Variants in HAL observed in about 807,000 individuals in gnomAD.
HAL encodes histidase.
Under a neutral mutation model 81.1 loss-of-function variants are expected in HAL, and 85 were observed. The ratio of observed to expected loss-of-function variants is 1.05; its 90% CI spans 0.88 to 1.25. The LOEUF (loss-of-function observed/expected upper bound fraction) is 1.25. Ranked by LOEUF, HAL falls within the 50% of genes most tolerant of loss-of-function variation. The pLI is 0.00. For missense variants in HAL, 798 were observed against 836.6 expected (o/e 0.95, Z 0.57); for synonymous variants, 301 against 309.2 (o/e 0.97, Z 0.28).
rs1406648025 is a variant in HAL at position 95,991,453 on chromosome 12, G to T, written c.716-921C>A. ...ACCAAAGCATTAACAAGGTTTCCCA[G>T]GGGAAGAGAAGTCATAGGCAACTGA... On this transcript the variant is annotated intron_variant, in intron 9 of 20. Transcript: ENST00000261208. Among the ~76,000 whole-genome samples, 4 of 152,174 alleles carry T rather than the reference G, an allele frequency of 2.6e-5. No individual in the cohort carries two copies. In the East Asian group the frequency reaches 7.7e-4, roughly 29 times the overall value.
chr12:95,995,524 C>T (rs905493133), intron 2 of HAL, 140 bp downstream of exon 2: 14 of 1,079,678 alleles, frequency 1.3e-5, no homozygotes, highest in Middle Eastern at 2.0e-4. Flanking sequence ...TCCCCAGAGG[C>T]GTGGCATGTG....
intron 20 of HAL, among the ~76,000 whole-genome samples, chr12:95,975,150 C>T (rs1302825320): frequency 1.3e-5 from 2 of 152,234 alleles, no homozygotes; most frequent in Non-Finnish European, 2.9e-5. Context: ...GACCCTGCTA[C>T]TCAAAGCGTG....
At chr12:95,989,525 CA>C (rs1428070817) in intron 10 of HAL, 1 of 152,288 alleles carries the variant, frequency 6.6e-6, no homozygotes, top group African/African-American at 2.4e-5. Flanking sequence ...CCAGTTTCTG[CA>C]ATGCAGAACC....
chr12:95,995,394 C>T (rs969398520), intron 2 of HAL, among the ~76,000 whole-genome samples: 1 of 152,206 alleles, frequency 6.6e-6, no homozygotes, highest in African/African-American at 2.4e-5. Context: ...GAGTACCAGT[C>T]TAGTCTTTGT....
chr12:95,994,939 A>G lies in HAL; in HGVS notation c.302T>C (p.Val101Ala). ...PDFIPSQPEG[V>A]YLYSKYREPE... The stretch of plus-strand genomic sequence containing the variant: ...AGCCTGTGGGAAAGGATACAGATAA[A>G]CTCCTTCTGGTTGAGATGGAATGAA... Residue 101 changes from valine to alanine, a missense_variant, in exon 3 of 21, where the codon GTT becomes GCT. Coordinates refer to ENST00000261208, the MANE Select transcript of HAL (RefSeq NM_002108.4). The G allele has an allele frequency of 6.2e-7, 1 of 1,612,610 alleles. No homozygotes were observed. Among genetic ancestry groups the G allele is most frequent in the East Asian group, 2.2e-5 (1 of 44,858 alleles).
intron 18 of HAL, among the ~76,000 whole-genome samples, chr12:95,977,111 A>G (rs561487973): frequency 6.6e-6 from 1 of 152,224 alleles, no homozygotes; most frequent in African/African-American, 2.4e-5. Flanking sequence ...CCCCAGTTCT[A>G]TTAAATAATT....
Position 95,990,381 on chromosome 12 carries a change from T to C in HAL, c.855+12A>G, listed in dbSNP as rs1274035252. ...GGCAATTGCTGCAGATAGAAGCTGC[T>C]ACGAGTCTTACGTATTTAGCATCAG... On this transcript the variant is annotated intron_variant, in intron 10 of 20. Coordinates refer to ENST00000261208, the MANE Select transcript of HAL (RefSeq NM_002108.4). 2.0e-5 allele frequency: 33 copies of C among 1,610,636 alleles called. No homozygotes were observed. Among genetic ancestry groups the C allele is most frequent in the Non-Finnish European group, 2.8e-5 (33 of 1,176,860 alleles).
At chr12:95,982,491 A>G (rs934091330) in intron 15 of HAL, among the ~76,000 whole-genome samples, 6 of 152,240 alleles carry the variant, frequency 3.9e-5, no homozygotes, top group Non-Finnish European at 8.8e-5. Flanking sequence ...CCTCTTCCCT[A>G]CAGTGAAAAG....
rs755402668 is a variant in HAL, at chr12:95,980,673, C to T, written c.1402G>A (p.Glu468Lys). 3 of 1,614,078 alleles carry T rather than the reference C, an allele frequency of 1.9e-6. No individual in the cohort carries two copies. The South Asian group carries it at 3.3e-5, about 18-fold the overall frequency. Residue 468 changes from glutamate (E) to lysine (K), a missense_variant, in exon 17 of 21, where the codon GAG becomes AAG. Glu to Lys is a moderately conservative substitution (Grantham distance 56, BLOSUM62 1). Coordinates refer to ENST00000261208, the MANE Select transcript of HAL (RefSeq NM_002108.4). ...TTGCAGAGCCGCTCGATTCTTCTCT[C>T]ACTGATTGCAGCAAGTTCATGGATG... ...IGIHELAAIS[E>K]RRIERLCNPS...
intron 18 of HAL, among the ~76,000 whole-genome samples, chr12:95,977,422 C>T (rs73375132): frequency 0.01 from 1,567 of 151,420 alleles, 23 homozygotes; most frequent in African/African-American, 0.036. Flanking sequence ...GTGGGAGGAT[C>T]GCTTGAGGCC....
At chr12:95,978,290 C>T (rs1002343189) in intron 17 of HAL, among the ~76,000 whole-genome samples, 2 of 152,026 alleles carry the variant, frequency 1.3e-5, no homozygotes, top group African/African-American at 4.8e-5. Flanking sequence ...ATAGTGAGTT[C>T]TGAGGTAAGA....
intron 17 of HAL, among the ~76,000 whole-genome samples, chr12:95,978,783 C>T (rs2080756771): frequency 6.6e-6 from 1 of 152,144 alleles, no homozygotes; most frequent in African/African-American, 2.4e-5. Flanking sequence ...TATGAAGTTC[C>T]CTCACCCTAG....
At chr12:95,978,381 A>G (rs1392720580) in intron 17 of HAL, among the ~76,000 whole-genome samples, 1 of 152,172 alleles carries the variant, frequency 6.6e-6, no homozygotes, top group East Asian at 1.9e-4. Flanking sequence ...CAGGGAGACT[A>G]GGGGAGAAAG....
chr12:95,974,366 C>G lies in HAL; in HGVS notation c.1840G>C (p.Glu614Gln). Residue 614 changes from glutamate (E) to glutamine (Q), a missense_variant, in exon 21 of 21, where the codon GAA (glutamate) becomes CAA (glutamine). By Grantham distance (29) the Glu-to-Gln change is conservative. Coordinates refer to ENST00000261208, the MANE Select transcript of HAL (RefSeq NM_002108.4). ...TTTTCAATGTATGGAGCAGCTACTT[C>G]CCAAACCTGAAAAGCAAGGACAAAA... ...HRLLLEQKVWEVAAPYIEKYR... is the reference protein window; with the variant it reads ...HRLLLEQKVWQVAAPYIEKYR... The G allele has an allele frequency of 6.2e-7, 1 of 1,613,648 alleles. No individual in the cohort carries two copies. The highest frequency in any genetic ancestry group is 8.5e-7 in the Non-Finnish European group (1 of 1,179,558).
intron 14 of HAL, among the ~76,000 whole-genome samples, chr12:95,985,624 CAAAAA>C (rs56285140): frequency 2.6e-5 from 2 of 77,212 alleles, no homozygotes; most frequent in South Asian, 5.1e-4. Context: ...TTGTCTGTCT[CAAAAA>C]AAAAAAAAAA....
intron 2 of HAL, chr12:95,995,323 G>A (rs1172583308): frequency 1.4e-5 from 8 of 556,124 alleles, no homozygotes; most frequent in South Asian, 4.1e-5. Context: ...GGATTCTTTC[G>A]AAAGGCAAAA....
chr12:95,976,534 T>C, intron 19 of HAL, 36 bp from the exon 20 acceptor site: 2 of 1,606,338 alleles, frequency 1.2e-6, no homozygotes, highest in Non-Finnish European at 1.7e-6. Flanking sequence ...CAGCCAAACA[T>C]GAAACCCTGC....
Position 95,987,108 on chromosome 12 carries a change from G to A in HAL, c.1010C>T (p.Thr337Ile), listed in dbSNP as rs1949898940. 1 of 1,613,334 alleles carries A rather than the reference G, an allele frequency of 6.2e-7. No homozygotes were observed. The highest frequency in any genetic ancestry group is 8.5e-7 in the Non-Finnish European group (1 of 1,179,296). ...ARQADIVAAL[T>I]LEVLKGTTKA... ...GGTGGTGCCCTTCAGCACCTCAAGG[G>A]TCAGGGCTGCCACAATGTCAGCCTG... The change falls in exon 12 of 21, where the codon ACC becomes ATC. Residue 337 changes from threonine (T) to isoleucine (I), a missense_variant. By Grantham distance (89) the Thr-to-Ile change is moderately conservative (BLOSUM62 -1). Transcript: ENST00000261208.
chr12:95,987,095 C>T lies in HAL; in HGVS notation c.1023G>A (p.Leu341=), dbSNP rs1949898681. The T allele has an allele frequency of 1.2e-6, 2 of 1,613,184 alleles. No homozygotes were observed. Among genetic ancestry groups the T allele is most frequent in the South Asian group, 2.2e-5 (2 of 91,060 alleles). ...DIVAALTLEV[L]KGTTKAFDTD... is the part of the protein sequence containing the mutation. ...TGTCAAAGGCTTTGGTGGTGCCCTTCAGCACCTCAAGGGTCAGGGCTGCCA... is the reference window on the plus strand; with the variant it reads ...TGTCAAAGGCTTTGGTGGTGCCCTTTAGCACCTCAAGGGTCAGGGCTGCCA... The change falls in exon 12 of 21, where the codon CTG becomes CTA. Residue 341 remains leucine, a synonymous_variant. Coordinates refer to ENST00000261208, the MANE Select transcript of HAL (RefSeq NM_002108.4).
Sources: allele counts gnomAD v4.1 joint callset (sites outside exome capture counted in the v4.1 genomes callset), GRCh38; gene constraint gnomAD v4.1.1; transcripts MANE v1.5; gene names NCBI Gene and HGNC (gene_info 2026-07-23, HGNC 2026-07-21).